The following ADAM9 variants were observed in gnomAD, a reference collection of about 807,000 sequenced individuals.
The protein encoded by ADAM9 is disintegrin and metalloproteinase domain-containing protein 9.
A neutral mutation model predicts 108.1 loss-of-function variants in ADAM9; 54 were observed. That is an observed-to-expected ratio of 0.50 (90% confidence interval 0.40 to 0.63). The LOEUF (loss-of-function observed/expected upper bound fraction) is 0.63. Among genes scored for constraint, ADAM9 ranks in the 20% least tolerant of loss-of-function variants. The pLI is 0.00. For missense variants in ADAM9, 830 were observed against 997.7 expected, an observed-to-expected ratio of 0.83 and a Z score of 2.26; for synonymous variants, 316 against 336.0, an observed-to-expected ratio of 0.94 and a Z score of 0.65.
intron 12 of ADAM9, among the ~76,000 whole-genome samples, chr8:39,045,384 AGG>A (rs1491576241): frequency 6.8e-4 from 13 of 19,194 alleles, no homozygotes; most frequent in Admixed American, 3.5e-3. Flanking sequence ...ATACACCTAT[AGG>A]TGTGTGTACA....
At chr8:39,031,342 C>T (rs1221043158) in intron 11 of ADAM9, among the ~76,000 whole-genome samples, 1 of 152,194 alleles carries the variant, frequency 6.6e-6, no homozygotes, top group Non-Finnish European at 1.5e-5. Flanking sequence ...ATTGCCTTTG[C>T]TCCTTTGTCA....
intron 5 of ADAM9, among the ~76,000 whole-genome samples, chr8:39,016,735 A>T (rs1310260324): frequency 1.3e-5 from 2 of 152,222 alleles, no homozygotes; most frequent in Admixed American, 6.5e-5. Flanking sequence ...GAATATGATT[A>T]TATTCACTTA....
rs573589503 is a variant in ADAM9, at chr8:39,034,177, G to A, written c.1130+7367G>A. ...TGATGTGCTGGGATTACAGGTGTGA[G>A]CCACTGTGCACTGCCAGATAGAGTG... On this transcript the variant is annotated intron_variant, in intron 11 of 21. Transcript: ENST00000487273. Among the ~76,000 whole-genome samples, 4 of 152,296 alleles carry A rather than the reference G, an allele frequency of 2.6e-5. No individual in the cohort carries two copies. The East Asian group carries it at 7.7e-4, about 29-fold the overall frequency.
intron 3 of ADAM9, among the ~76,000 whole-genome samples, chr8:39,012,921 T>C (rs1836404005): frequency 6.6e-6 from 1 of 152,124 alleles, no homozygotes; most frequent in South Asian, 2.1e-4. Context: ...GTTGTACACA[T>C]GTACCCTAGA....
chr8:39,102,700 G>A (rs1386704377), intron 21 of ADAM9, among the ~76,000 whole-genome samples: 2 of 152,048 alleles, frequency 1.3e-5, no homozygotes, highest in Non-Finnish European at 2.9e-5. Context: ...TAATAGACAT[G>A]GACTTTAAAA....
intron 20 of ADAM9, among the ~76,000 whole-genome samples, chr8:39,095,116 G>T (rs758319699): frequency 7.2e-5 from 11 of 151,912 alleles, no homozygotes; most frequent in Non-Finnish European, 1.6e-4. Context: ...TTCTATTTTT[G>T]TTGTCTCAAG....
intron 8 of ADAM9, among the ~76,000 whole-genome samples, 198 bp from the exon 9 acceptor site, chr8:39,022,958 C>T (rs1426569534): frequency 3.9e-5 from 6 of 152,158 alleles, no homozygotes; most frequent in Non-Finnish European, 7.4e-5. Flanking sequence ...GGTGATCCAA[C>T]TGCCTCGGCC....
intron 9 of ADAM9, 75 bp from the exon 10 acceptor site, chr8:39,025,728 G>T: frequency 7.2e-7 from 1 of 1,386,442 alleles, no homozygotes. Flanking sequence ...ATCCAGTTGA[G>T]ATTATTCATA....
rs1380668767 is a variant in ADAM9 at position 39,045,149 on chromosome 8, TATGTGTATAC to T, written c.1302+3035_1302+3044del. Among the ~76,000 whole-genome samples the T allele has an allele frequency of 4.8e-4, 50 of 103,344 alleles. 1 individual carries two copies. Among genetic ancestry groups the T allele is most frequent in the African/African-American group, 1.4e-3 (46 of 31,938 alleles). 67.8% of individuals were successfully genotyped at this position (103,344 alleles called of 152,430 possible). ...GTGCATACATACATATATGTGTATA[TATGTGTATAC>T]ATACATATATGTGTATATATGTGTA... On this transcript the variant is annotated intron_variant, in intron 12 of 21. Transcript: ENST00000487273.
At chr8:39,071,109 C>T (rs1265075952) in intron 14 of ADAM9, among the ~76,000 whole-genome samples, 189 bp from the exon 15 acceptor site, 4 of 152,062 alleles carry the variant, frequency 2.6e-5, no homozygotes, top group Non-Finnish European at 4.4e-5. Context: ...TTTATTTTTA[C>T]ATTTTGTCAT....
chr8:39,085,436 A>G (rs981639876), intron 18 of ADAM9, among the ~76,000 whole-genome samples: 3 of 152,172 alleles, frequency 2.0e-5, no homozygotes, highest in Non-Finnish European at 4.4e-5. Flanking sequence ...GGTGTTTTTC[A>G]TTTATGTAAA....
chr8:39,065,609 G>A (rs1217509973), intron 14 of ADAM9, among the ~76,000 whole-genome samples: 1 of 136,774 alleles, frequency 7.3e-6, no homozygotes, highest in East Asian at 2.3e-4. Flanking sequence ...GCAGTGAGCC[G>A]AGATCGCACC....
chr8:39,054,374 C>T, intron 12 of ADAM9, 107 bp from the exon 13 acceptor site: 1 of 993,360 alleles, frequency 1.0e-6, no homozygotes, highest in Admixed American at 1.9e-5. Flanking sequence ...GTAACTGCTA[C>T]AATCATGTTA....
chr8:39,092,775 T>A (rs1193627080), intron 20 of ADAM9, among the ~76,000 whole-genome samples: 1 of 152,146 alleles, frequency 6.6e-6, no homozygotes. Context: ...CCAGTTTGAG[T>A]TGATTTTTGT....
intron 14 of ADAM9, among the ~76,000 whole-genome samples, chr8:39,066,665 G>A (rs1409350918): frequency 1.3e-5 from 2 of 152,204 alleles, no homozygotes; most frequent in African/African-American, 2.4e-5. Context: ...TTTGTTAGAT[G>A]AGTAGATTGC....
chr8:39,000,514 T>G (rs1835961753), intron 1 of ADAM9, among the ~76,000 whole-genome samples: 1 of 151,956 alleles, frequency 6.6e-6, no homozygotes, highest in Non-Finnish European at 1.5e-5. Flanking sequence ...CAGGCTGGAG[T>G]GCAGTGGAAC....
chr8:39,003,358 C>T lies in ADAM9; in HGVS notation c.98-4528C>T, dbSNP rs187761505. 2.3e-4 allele frequency among the ~76,000 whole-genome samples: 35 copies of T among 151,980 alleles called. No individual in the cohort carries two copies. The East Asian group carries it at 6.8e-3, about 29-fold the overall frequency. ...GAGGCCAGGGATGCTGCAAAACATT[C>T]CACAGTACACAGGACAGCGCCCTTA... On this transcript the variant is annotated intron_variant, in intron 1 of 21. Transcript: ENST00000487273.
At chr8:39,020,758 A>G (rs888631815) in intron 7 of ADAM9, among the ~76,000 whole-genome samples, 4 of 152,068 alleles carry the variant, frequency 2.6e-5, no homozygotes, top group Admixed American at 2.6e-4. Context: ...TATTTTCTGT[A>G]TGTCACTTCG....
intron 11 of ADAM9, 82 bp downstream of exon 11, chr8:39,026,892 A>G (rs925385624): frequency 6.4e-7 from 1 of 1,557,836 alleles, no homozygotes; most frequent in East Asian, 2.3e-5. Context: ...TCATGTCTAC[A>G]TTGGGAAAAC....
Sources: gnomAD v4.1 joint callset for allele counts (sites outside exome capture counted in the v4.1 genomes callset) on GRCh38, gnomAD v4.1.1 for gene constraint, MANE v1.5 for transcripts, NCBI Gene and HGNC (gene_info 2026-07-23, HGNC 2026-07-21) for gene names.